Variants in WWOX observed in about 807,000 individuals in gnomAD.
WWOX encodes the protein WW domain containing oxidoreductase.
Under a neutral mutation model 46.2 loss-of-function variants are expected in WWOX, and 69 were observed. The ratio of observed to expected loss-of-function variants is 1.49; its 90% CI spans 1.23 to 1.82. The LOEUF (loss-of-function observed/expected upper bound fraction) is 1.82. Among genes scored for constraint, WWOX ranks in the 40% most tolerant of loss-of-function variants. The pLI, the probability that WWOX is intolerant of heterozygous loss-of-function variation, is 0.00. For missense variants in WWOX, 919 were observed against 542.6 expected, an observed-to-expected ratio of 1.69 and a Z score of -6.89; for synonymous variants, 359 against 202.6, an observed-to-expected ratio of 1.77 and a Z score of -6.56.
At chr16:78,996,859 T>C (rs2047000594) in intron 8 of WWOX, among the ~76,000 whole-genome samples, 2 of 152,202 alleles carry the variant, frequency 1.3e-5, no homozygotes, top group African/African-American at 2.4e-5. Flanking sequence ...CTCCGACACA[T>C]GTGCCATAAA....
chr16:79,075,601 G>A (rs1171730946), intron 8 of WWOX, among the ~76,000 whole-genome samples: 3 of 151,576 alleles, frequency 2.0e-5, no homozygotes, highest in Non-Finnish European at 2.9e-5. Flanking sequence ...CACCCAGGCT[G>A]GAGTTTAGTG....
chr16:79,093,316 T>G (rs561328522), intron 8 of WWOX, among the ~76,000 whole-genome samples: 1 of 152,240 alleles, frequency 6.6e-6, no homozygotes, highest in African/African-American at 2.4e-5. Flanking sequence ...GTAGTTGCGT[T>G]TAGGGGATGA....
intron 8 of WWOX, among the ~76,000 whole-genome samples, chr16:78,472,137 T>C (rs1421192063): frequency 6.6e-6 from 1 of 152,130 alleles, no homozygotes; most frequent in African/African-American, 2.4e-5. Context: ...CAGGAAAAAG[T>C]AACACAGTAA....
intron 8 of WWOX, among the ~76,000 whole-genome samples, chr16:78,488,982 C>A (rs551989720): frequency 1.3e-5 from 2 of 152,180 alleles, no homozygotes; most frequent in Non-Finnish European, 2.9e-5. Context: ...GCATGTAGAA[C>A]ACAGAACTTC....
At chr16:78,248,966 C>G (rs1251329748) in intron 5 of WWOX, among the ~76,000 whole-genome samples, 1 of 148,072 alleles carries the variant, frequency 6.8e-6, no homozygotes, top group African/African-American at 2.5e-5. Context: ...AGGTGATTCT[C>G]CTGCCTCAGC....
chr16:79,139,373 GT>G (rs2050044351), intron 8 of WWOX, among the ~76,000 whole-genome samples: 1 of 152,148 alleles, frequency 6.6e-6, no homozygotes, highest in Non-Finnish European at 1.5e-5. Context: ...TGTTCTCTTG[GT>G]TTTGCTTAAA....
intron 8 of WWOX, among the ~76,000 whole-genome samples, chr16:79,042,392 A>T (rs2047988171): frequency 6.6e-6 from 1 of 152,148 alleles, no homozygotes; most frequent in Non-Finnish European, 1.5e-5. Context: ...TGCCTGATCA[A>T]TGTATATCAT....
chr16:78,493,358 C>G (rs1344285685), intron 8 of WWOX, among the ~76,000 whole-genome samples: 3 of 152,152 alleles, frequency 2.0e-5, no homozygotes, highest in Admixed American at 1.3e-4. Flanking sequence ...ACTGCAAGAT[C>G]GACAGGCTTA....
At chr16:78,641,336 C>T (rs920833540) in intron 8 of WWOX, among the ~76,000 whole-genome samples, 1 of 151,966 alleles carries the variant, frequency 6.6e-6, no homozygotes, top group Non-Finnish European at 1.5e-5. Context: ...AAAAAGCCTT[C>T]TTTTTAATTA....
rs1278704578 is a variant in WWOX, at chr16:78,637,363, C to T, written c.1056+204611C>T. 2.0e-5 allele frequency among the ~76,000 whole-genome samples: 3 copies of T among 152,032 alleles called. No homozygotes were observed. In the East Asian group the frequency reaches 5.8e-4, roughly 29 times the overall value. ...GGCTGATGCAGCAGAGTCTGTTGAA[C>T]CCAGGAGGCAGAGGTTGCAGTGAGC... On this transcript the variant is annotated intron_variant, in intron 8 of 8. Transcript: ENST00000566780.
At chr16:78,117,728 C>T (rs940595429) in intron 4 of WWOX, among the ~76,000 whole-genome samples, 15 of 152,140 alleles carry the variant, frequency 9.9e-5, no homozygotes, top group African/African-American at 3.6e-4. Flanking sequence ...AGCTGAATGC[C>T]GAGTGAGTGA....
At chr16:78,618,991 C>G (rs1052494022) in intron 8 of WWOX, among the ~76,000 whole-genome samples, 6 of 149,638 alleles carry the variant, frequency 4.0e-5, no homozygotes, top group Non-Finnish European at 8.9e-5. Context: ...GCAAAGTTTC[C>G]TCAACTCTTC....
At chr16:79,208,710 G>A (rs1394590711) in intron 8 of WWOX, among the ~76,000 whole-genome samples, 2 of 151,922 alleles carry the variant, frequency 1.3e-5, no homozygotes, top group African/African-American at 4.8e-5. Context: ...TTTCACTAAT[G>A]TGCCTCAGTC....
chr16:79,134,000 G>C (rs2049933968), intron 8 of WWOX, among the ~76,000 whole-genome samples: 1 of 152,152 alleles, frequency 6.6e-6, no homozygotes, highest in Non-Finnish European at 1.5e-5. Flanking sequence ...AGGATCTCAT[G>C]CTGGACTATC....
chr16:78,584,844 A>G (rs1420491498), intron 8 of WWOX, among the ~76,000 whole-genome samples: 2 of 152,196 alleles, frequency 1.3e-5, no homozygotes, highest in Non-Finnish European at 2.9e-5. Flanking sequence ...TATGCTTAAT[A>G]TTTGTGCACG....
chr16:78,785,869 AGCGACACAC>A (rs71922997), intron 8 of WWOX, among the ~76,000 whole-genome samples: 5,319 of 152,260 alleles, frequency 0.035, 119 homozygotes, highest in East Asian at 0.1. Context: ...GCATCTGTAG[AGCGACACAC>A]TTTTGAATTT....
At chr16:78,158,169 G>T (rs1165741023) in intron 4 of WWOX, among the ~76,000 whole-genome samples, 1 of 152,178 alleles carries the variant, frequency 6.6e-6, no homozygotes, top group African/African-American at 2.4e-5. Context: ...TTAGGCCTGT[G>T]GGAGTGATAT....
chr16:78,207,333 G>C (rs2036425720), intron 5 of WWOX, among the ~76,000 whole-genome samples: 1 of 152,014 alleles, frequency 6.6e-6, no homozygotes, highest in Non-Finnish European at 1.5e-5. Context: ...CTGTATCATA[G>C]AATCTTAAAA....
At chr16:78,271,348 C>T (rs2079473956) in intron 5 of WWOX, among the ~76,000 whole-genome samples, 1 of 152,192 alleles carries the variant, frequency 6.6e-6, no homozygotes, top group African/African-American at 2.4e-5. Flanking sequence ...GCTCTTGCTT[C>T]CGTCACCTCG....
Sources: gnomAD v4.1 joint callset for allele counts (sites outside exome capture counted in the v4.1 genomes callset) on GRCh38, gnomAD v4.1.1 for gene constraint, MANE v1.5 for transcripts, NCBI Gene and HGNC (gene_info 2026-07-23, HGNC 2026-07-21) for gene names.